The following CDH11 variants were observed in gnomAD, a reference collection of about 807,000 sequenced individuals.
The protein encoded by CDH11 is cadherin-11.
In CDH11, 11 loss-of-function variants were observed where a neutral mutation model predicts 67.8. The ratio of observed to expected loss-of-function variants is 0.16; its 90% CI spans 0.10 to 0.27. The LOEUF (loss-of-function observed/expected upper bound fraction) is 0.27. Ranked by LOEUF, CDH11 falls within the 10% of genes least tolerant of loss-of-function variation. The pLI, the probability that CDH11 is intolerant of heterozygous loss-of-function variation, is 1.00. For synonymous variants in CDH11, 419 were observed against 400.0 expected (o/e 1.05, Z -0.57); for missense variants, 847 against 1,031.2 (o/e 0.82, Z 2.45).
intron 2 of CDH11, among the ~76,000 whole-genome samples, chr16:65,044,766 G>A (rs1198130268): frequency 6.6e-6 from 1 of 152,132 alleles, no homozygotes; most frequent in Non-Finnish European, 1.5e-5. Context: ...TGGGAGTTGG[G>A]CCTGGATCAA....
intron 1 of CDH11, among the ~76,000 whole-genome samples, chr16:65,060,338 C>CATATATAT (rs56797143): frequency 2.1e-5 from 3 of 144,968 alleles, no homozygotes; most frequent in Non-Finnish European, 1.5e-5. Context: ...ATAAAATTTG[C>CATATATAT]ATATATATAT....
chr16:65,035,059 C>T (rs1338626901), intron 2 of CDH11, among the ~76,000 whole-genome samples: 1 of 152,102 alleles, frequency 6.6e-6, no homozygotes, highest in South Asian at 2.1e-4. Context: ...TGCTGGGAGG[C>T]GGGGCTGGGG....
chr16:65,016,924 T>G lies in CDH11; in HGVS notation c.-172-11883A>C, dbSNP rs928221726. 7.2e-5 allele frequency among the ~76,000 whole-genome samples: 11 copies of G among 152,168 alleles called. No individual in the cohort carries two copies. In the East Asian group the frequency reaches 2.1e-3, roughly 29 times the overall value. On this transcript the variant is annotated intron_variant, in intron 2 of 12. Coordinates refer to ENST00000268603, the MANE Select transcript of CDH11 (RefSeq NM_001797.4). ...TCCCAGAACTGAGGGTTATTCCCCT[T>G]TATAGACCATATAGGGTAGCTTCCA...
chr16:64,974,538 A>G (rs1567501308), intron 8 of CDH11, among the ~76,000 whole-genome samples: 1 of 151,846 alleles, frequency 6.6e-6, no homozygotes, highest in African/African-American at 2.4e-5. Context: ...GGAAAGAGGG[A>G]CCCCCCACTG....
At chr16:65,041,781 T>C (rs1036350915) in intron 2 of CDH11, among the ~76,000 whole-genome samples, 1 of 152,212 alleles carries the variant, frequency 6.6e-6, no homozygotes, top group Non-Finnish European at 1.5e-5. Context: ...GTATTACAGA[T>C]GCACAGACTT....
chr16:64,988,221 C>A lies in CDH11; in HGVS notation c.935G>T (p.Gly312Val), dbSNP rs1409150983. ...CGTTGTGATTTCAAACGATTCCATA[C>A]CATCTCCATCAACAATATTGTATGT... ...LVTYNIVDGD[G>V]MESFEITTDY... The change falls in exon 7 of 13, where the codon GGT (glycine) becomes GTT (valine). Residue 312 changes from glycine to valine, a missense_variant. This residue lies in a region of CDH11 where 612 missense variants were observed against 678.7 expected (regional missense o/e 0.90). Transcript: ENST00000268603. 2 of 1,613,444 alleles carry A rather than the reference C, an allele frequency of 1.2e-6. No individual in the cohort carries two copies. The highest frequency in any genetic ancestry group is 8.5e-7 in the Non-Finnish European group (1 of 1,179,650).
At chr16:65,122,662 C>G (rs980046583), upstream of CDH11, among the ~76,000 whole-genome samples, 12 of 152,136 alleles carry the variant, frequency 7.9e-5, no homozygotes, top group Non-Finnish European at 1.2e-4. Flanking sequence ...CTCAATCTCC[C>G]ATCCCTTGCA....
At chr16:65,005,189 T>G (rs541218395) in intron 2 of CDH11, 148 bp from the exon 3 acceptor site, 2 of 634,010 alleles carry the variant, frequency 3.2e-6, no homozygotes, top group South Asian at 1.1e-4. Flanking sequence ...GAGCTCAGCT[T>G]GCTCATTTAT....
chr16:65,071,966 T>C (rs2074424921), intron 1 of CDH11: 1 of 152,310 alleles, frequency 6.6e-6, no homozygotes, highest in Non-Finnish European at 1.5e-5. Context: ...CCCTCGTCCC[T>C]GCTGGGTAGT....
At chr16:64,968,617 T>C (rs956878154) in intron 11 of CDH11, 52 of 917,948 alleles carry the variant, frequency 5.7e-5, no homozygotes, top group Non-Finnish European at 6.5e-5. Context: ...CTTGTGTGTA[T>C]TAAGATGGCT....
chr16:65,115,656 T>G (rs1405904552), intron 1 of CDH11, among the ~76,000 whole-genome samples: 2 of 148,022 alleles, frequency 1.4e-5, no homozygotes, highest in African/African-American at 5.0e-5. Flanking sequence ...GGTCACATAC[T>G]TTGTAAGTAA....
At position 65,063,425 on chromosome 16, in the gene CDH11, G is replaced by A. The variant is rs1187382590; in HGVS notation, c.-297-9497C>T. Reference sequence around the variant, plus strand: ...ACCAGACTGTGCTTGGATCATGAGTGTGGAAATGACAGAAAAATGGCCCTG... The same window carrying A: ...ACCAGACTGTGCTTGGATCATGAGTATGGAAATGACAGAAAAATGGCCCTG... On this transcript the variant is annotated intron_variant, in intron 1 of 12. Coordinates refer to ENST00000268603, the MANE Select transcript of CDH11 (RefSeq NM_001797.4). 3.3e-5 allele frequency among the ~76,000 whole-genome samples: 5 copies of A among 152,180 alleles called. No individual in the cohort carries two copies. In the South Asian group the frequency reaches 8.3e-4, roughly 25 times the overall value.
At chr16:65,062,976 C>T (rs1354852982) in intron 1 of CDH11, among the ~76,000 whole-genome samples, 1 of 152,220 alleles carries the variant, frequency 6.6e-6, no homozygotes, top group Non-Finnish European at 1.5e-5. Context: ...ATTAAATACA[C>T]TGGATTCACC....
At chr16:64,956,913 G>A (rs1020294288) in intron 11 of CDH11, among the ~76,000 whole-genome samples, 1 of 152,138 alleles carries the variant, frequency 6.6e-6, no homozygotes, top group Non-Finnish European at 1.5e-5. Flanking sequence ...CATTAAGATG[G>A]AGAGAGAAAG....
intron 1 of CDH11, among the ~76,000 whole-genome samples, chr16:65,118,029 G>A (rs1017417889): frequency 6.6e-6 from 1 of 152,200 alleles, no homozygotes; most frequent in Admixed American, 6.5e-5. Flanking sequence ...TCGAGCAGTA[G>A]CTTGAACCAC....
chr16:65,089,365 A>C (rs2074754517), intron 1 of CDH11, among the ~76,000 whole-genome samples: 1 of 152,210 alleles, frequency 6.6e-6, no homozygotes. Context: ...AGCGATACCA[A>C]AAAATTTAAT....
At chr16:64,962,197 AAC>A (rs749927701) in intron 11 of CDH11, among the ~76,000 whole-genome samples, 4 of 152,192 alleles carry the variant, frequency 2.6e-5, no homozygotes, top group Non-Finnish European at 4.4e-5. Flanking sequence ...AATAAATTAA[AAC>A]AGTTATAACT....
At position 64,947,275 on chromosome 16, in the gene CDH11, T is replaced by A; in HGVS notation, c.*328A>T. ...TGACAACTTAAAAAAGAAGAAAGAC[T>A]TGGATGTTCATAACACATAAACAAT... On this transcript the variant is annotated 3_prime_UTR_variant, in exon 13 of 13. Coordinates refer to ENST00000268603, the MANE Select transcript of CDH11 (RefSeq NM_001797.4). 1 of 1,118,830 alleles carries A rather than the reference T, an allele frequency of 8.9e-7. No individual in the cohort carries two copies. The highest frequency in any genetic ancestry group is 1.1e-6 in the Non-Finnish European group (1 of 912,022). The allele number at this position is 1,118,830 out of a possible 1,614,324, so 69.3% of individuals were successfully genotyped here.
In CDH11 at chr16:64,946,273, G is replaced by T. The variant is rs936681265; in HGVS notation, c.*1330C>A. On this transcript the variant is annotated 3_prime_UTR_variant, in exon 13 of 13. Transcript: ENST00000268603. The stretch of plus-strand genomic sequence containing the variant: ...CAAGAGTCTTACAATAGCCTGGTAA[G>T]TTCAACAGAAGAAAAAATAGAATAA... 6 of 1,046,848 alleles carry T rather than the reference G, an allele frequency of 5.7e-6. No homozygotes were observed. The African/African-American group carries it at 1.0e-4, about 17-fold the overall frequency. The allele number at this position is 1,046,848 out of a possible 1,614,324, so 64.8% of individuals were successfully genotyped here. A position where few individuals can be genotyped will look rare whatever the true frequency, so the allele number is the denominator to read the frequency against.
Sources: allele counts gnomAD v4.1 joint callset (sites outside exome capture counted in the v4.1 genomes callset), GRCh38; gene constraint gnomAD v4.1.1; regional missense constraint gnomAD v4.1.1; transcripts MANE v1.5; gene names NCBI Gene and HGNC (gene_info 2026-07-23, HGNC 2026-07-21).